Variants in ZNF782 observed in about 807,000 individuals in gnomAD.
The protein encoded by ZNF782 is zinc finger protein 782.
A neutral mutation model predicts 13.0 loss-of-function variants in ZNF782; 12 were observed. The observed-to-expected ratio is 0.92, with a 90% CI of 0.59 to 1.50. The LOEUF (loss-of-function observed/expected upper bound fraction) is 1.50. ZNF782 is among the 40% of genes most tolerant of loss of function. ZNF782 has a pLI of 0.00. For missense variants in ZNF782, 770 were observed against 822.9 expected, an observed-to-expected ratio of 0.94 and a Z score of 0.79; for synonymous variants, 284 against 283.0, an observed-to-expected ratio of 1.00 and a Z score of -0.04.
Position 96,818,831 on chromosome 9 carries a change from CA to C in ZNF782, c.1191del (p.Glu398SerfsTer12). On this transcript the variant is annotated frameshift_variant, in exon 6 of 6. Transcript: ENST00000481138. LOFTEE classifies it low-confidence loss of function (END_TRUNC). ...TTCTCACTGAAGGCTTTCCCGCACT[CA>C]GGACATTCATAGGGTTTCTCCCCTG... Reference protein sequence around the residue: ...SHTGEKPYECPECGKAFSEKS... With the variant: ...SHTGEKPYECXECGKAFSEKS... 1 of 1,613,298 alleles carries C rather than the reference CA, an allele frequency of 6.2e-7. No homozygotes were observed. The highest frequency in any genetic ancestry group is 1.1e-5 in the South Asian group (1 of 90,948).
chr9:96,887,314 GAA>G, the ZNF782 span: 1 of 148,100 alleles, frequency 6.8e-6, no homozygotes, highest in Non-Finnish European at 1.5e-5. Context: ...AGGAAGGAAG[GAA>G]GGAAGGAAGG....
At chr9:96,875,394 T>C (rs1851880706) in intron 1 of ZNF782, 3 of 443,432 alleles carry the variant, frequency 6.8e-6, no homozygotes, top group Non-Finnish European at 1.4e-5. Flanking sequence ...AACAACGCCA[T>C]GAAGCAGGCA....
chr9:96,869,988 C>T (rs552487508), intron 1 of ZNF782, among the ~76,000 whole-genome samples: 28 of 152,300 alleles, frequency 1.8e-4, no homozygotes, highest in Non-Finnish European at 2.8e-4. Context: ...AGAAGACTGT[C>T]ACAATACTGT....
At chr9:96,875,602 C>T in exon 1 of ZNF782, 2 of 456,630 alleles carry the variant, frequency 4.4e-6, no homozygotes, top group Non-Finnish European at 8.8e-6. Context: ...CGCGGGCATG[C>T]GCTTTCCCCA....
intron 1 of ZNF782, among the ~76,000 whole-genome samples, chr9:96,867,156 G>T (rs1222794430): frequency 1.3e-5 from 2 of 152,160 alleles, no homozygotes; most frequent in African/African-American, 4.8e-5. Context: ...AGGACAGAAT[G>T]ATATGGTTTG....
At chr9:96,855,232 C>T (rs1048676581), upstream of ZNF782, among the ~76,000 whole-genome samples, 1 of 152,128 alleles carries the variant, frequency 6.6e-6, no homozygotes, top group Admixed American at 6.5e-5. Flanking sequence ...TGCGCATTAA[C>T]GAATTTTCTT....
chr9:96,827,469 A>C (rs1850663866), intron 4 of ZNF782, among the ~76,000 whole-genome samples: 1 of 152,090 alleles, frequency 6.6e-6, no homozygotes, highest in Admixed American at 6.6e-5. Flanking sequence ...AGCTGGGACT[A>C]CAGGTGTGCA....
intron 4 of ZNF782, among the ~76,000 whole-genome samples, chr9:96,841,718 A>T (rs2118687609): frequency 6.6e-6 from 1 of 152,058 alleles, no homozygotes; most frequent in South Asian, 2.1e-4. Flanking sequence ...ATACAGAAGA[A>T]GTTCCACCAT....
At position 96,819,555 on chromosome 9, in the gene ZNF782, C is replaced by T. The variant is rs1001400367; in HGVS notation, c.468G>A (p.Gln156=). Residue 156 remains glutamine, a synonymous_variant, in exon 6 of 6, where the codon CAG becomes CAA. Transcript: ENST00000481138. The part of the protein sequence containing the change: ...QGLSLMAPHC[Q]YSKEKAHERN... ...GCTCATGAGCCTTTTCTTTTGAATACTGACAGTGTGGGGCCATCAGGCTGA... is the reference window on the plus strand; with the variant it reads ...GCTCATGAGCCTTTTCTTTTGAATATTGACAGTGTGGGGCCATCAGGCTGA... 6.2e-7 allele frequency: 1 copy of T among 1,612,668 alleles called. No homozygotes were observed. Among genetic ancestry groups the T allele is most frequent in the African/African-American group, 1.3e-5 (1 of 74,746 alleles).
At chr9:96,837,530 ATCTC>A (rs1285552078) in intron 4 of ZNF782, among the ~76,000 whole-genome samples, 2 of 151,866 alleles carry the variant, frequency 1.3e-5, no homozygotes, top group African/African-American at 4.8e-5. Context: ...TTCTTTCATT[ATCTC>A]TCTTCTAATC....
chr9:96,855,794 A>G (rs1034185376), upstream of ZNF782, among the ~76,000 whole-genome samples: 21 of 152,194 alleles, frequency 1.4e-4, no homozygotes, highest in African/African-American at 4.6e-4. Flanking sequence ...GCTGGATCCA[A>G]TGGTAGTTCT....
At chr9:96,929,081 C>A in the ZNF782 span, 2 of 1,610,866 alleles carry the variant, frequency 1.2e-6, no homozygotes, top group Admixed American at 1.7e-5. Flanking sequence ...GTCTGCCTTG[C>A]CTCAACTCCT....
At chr9:96,853,399 G>C (rs1349786205) in intron 1 of ZNF782, among the ~76,000 whole-genome samples, 2 of 152,180 alleles carry the variant, frequency 1.3e-5, no homozygotes, top group African/African-American at 2.4e-5. Flanking sequence ...GCCTAGGTCT[G>C]AGAGGTGTTC....
At chr9:96,927,719 T>A in the ZNF782 span, among the ~76,000 whole-genome samples, 1 of 151,912 alleles carries the variant, frequency 6.6e-6, no homozygotes, top group Non-Finnish European at 1.5e-5. Context: ...ATATGGATCA[T>A]AATTATAGTA....
At chr9:96,900,210 G>A in the ZNF782 span, among the ~76,000 whole-genome samples, 1 of 150,228 alleles carries the variant, frequency 6.7e-6, no homozygotes, top group East Asian at 2.0e-4. Context: ...TAAGCCCCAG[G>A]GTGGTGGCAC....
chr9:96,870,803 G>A (rs1329855071), intron 1 of ZNF782, among the ~76,000 whole-genome samples: 1 of 152,158 alleles, frequency 6.6e-6, no homozygotes, highest in Non-Finnish European at 1.5e-5. Flanking sequence ...AAGCCACTAG[G>A]AGCAGATGCA....
chr9:96,929,258 A>G, the ZNF782 span, among the ~76,000 whole-genome samples: 2 of 152,106 alleles, frequency 1.3e-5, no homozygotes, highest in East Asian at 3.9e-4. Flanking sequence ...GGGGGAATAC[A>G]CCGTGTAGTG....
At chr9:96,828,707 T>C (rs917866817) in intron 4 of ZNF782, among the ~76,000 whole-genome samples, 1 of 152,066 alleles carries the variant, frequency 6.6e-6, no homozygotes. Flanking sequence ...AATAAATTTG[T>C]AGTCTAACAT....
At chr9:96,910,714 G>GC in the ZNF782 span, among the ~76,000 whole-genome samples, 3 of 149,460 alleles carry the variant, frequency 2.0e-5, no homozygotes, top group African/African-American at 7.3e-5. Context: ...TCGGCTCACT[G>GC]CAAGTTCCTC....
Sources: allele counts gnomAD v4.1 joint callset (sites outside exome capture counted in the v4.1 genomes callset), GRCh38; gene constraint gnomAD v4.1.1; transcripts MANE v1.5; gene names NCBI Gene and HGNC (gene_info 2026-07-23, HGNC 2026-07-21).